The following SMARCC1 variants were observed in gnomAD, a reference collection of about 807,000 sequenced individuals.
The protein encoded by SMARCC1 is SWI/SNF related BAF chromatin remodeling complex subunit C1.
A neutral mutation model predicts 147.4 loss-of-function variants in SMARCC1; 43 were observed. The observed-to-expected ratio is 0.29, with a 90% CI of 0.23 to 0.38. The LOEUF (loss-of-function observed/expected upper bound fraction) is 0.38, where lower values mean the gene tolerates loss of function less well. Ranked by LOEUF, SMARCC1 falls within the 10% of genes least tolerant of loss-of-function variation. SMARCC1 has a pLI of 1.00. For synonymous variants in SMARCC1, 495 were observed against 484.4 expected (o/e 1.02, Z -0.29); for missense variants, 1,119 against 1,381.1 (o/e 0.81, Z 3.01).
At chr3:47,600,292 G>C (rs1022455580) in intron 26 of SMARCC1, among the ~76,000 whole-genome samples, 1 of 152,208 alleles carries the variant, frequency 6.6e-6, no homozygotes, top group African/African-American at 2.4e-5. Flanking sequence ...AGGTACCTAA[G>C]AGTGAATGAT....
intron 2 of SMARCC1, among the ~76,000 whole-genome samples, chr3:47,758,953 G>C (rs1484613847): frequency 6.6e-6 from 1 of 151,570 alleles, no homozygotes; most frequent in Non-Finnish European, 1.5e-5. Context: ...GGAGGCGGTG[G>C]TGGCGGTGAG....
rs908291951 is a variant in SMARCC1 at position 47,772,624 on chromosome 3, A to C, written c.315+193T>G. ...AATGACTGCTGCAATATTTAATGCAAATGTTAAATGCCTCTTCAAAAAGCA... is the reference window on the plus strand; with the variant it reads ...AATGACTGCTGCAATATTTAATGCACATGTTAAATGCCTCTTCAAAAAGCA... On this transcript the variant is annotated intron_variant, in intron 2 of 27. Transcript: ENST00000254480. Among the ~76,000 whole-genome samples the C allele has an allele frequency of 2.7e-4, 41 of 152,188 alleles. 1 individual carries two copies. The highest frequency in any genetic ancestry group is 3.2e-3 in the Middle Eastern group (1 of 316).
At position 47,738,091 on chromosome 3, in the gene SMARCC1, T is replaced by C; in HGVS notation, c.421A>G (p.Asn141Asp). 1 of 1,584,452 alleles carries C rather than the reference T, an allele frequency of 6.3e-7. No individual in the cohort carries two copies. The highest frequency in any genetic ancestry group is 8.6e-7 in the Non-Finnish European group (1 of 1,165,874). ...ACATTACGATCCATTCGAGATGGGT[T>C]CTGTAGGTCAAACCTCCGCCTAAAA... is the stretch of plus-strand genomic sequence containing the variant. Reference protein sequence around the residue: ...EQGWRRFDLQNPSRMDRNVEM... With the variant: ...EQGWRRFDLQDPSRMDRNVEM... Residue 141 changes from asparagine (N) to aspartate (D), a missense_variant, in exon 4 of 28, where the codon AAC becomes GAC. Transcript: ENST00000254480.
intron 8 of SMARCC1, among the ~76,000 whole-genome samples, chr3:47,711,685 CCT>C (rs1423497571): frequency 1.3e-5 from 2 of 152,180 alleles, no homozygotes; most frequent in African/African-American, 4.8e-5. Flanking sequence ...ATCTAAACTC[CCT>C]GTTTTCAAAG....
At chr3:47,724,830 C>A (rs931543250) in intron 6 of SMARCC1, among the ~76,000 whole-genome samples, 1 of 151,984 alleles carries the variant, frequency 6.6e-6, no homozygotes, top group Non-Finnish European at 1.5e-5. Context: ...CTAAGTGAGG[C>A]AGGAGGATCA....
intron 17 of SMARCC1, 87 bp downstream of exon 17, chr3:47,676,542 G>A: frequency 1.1e-6 from 1 of 935,344 alleles, no homozygotes; most frequent in African/African-American, 1.7e-5. Context: ...TAGCATTATA[G>A]TATAATAATA....
chr3:47,617,009 C>T (rs935167915), intron 25 of SMARCC1, among the ~76,000 whole-genome samples: 6 of 152,220 alleles, frequency 3.9e-5, no homozygotes, highest in Admixed American at 3.3e-4. Flanking sequence ...GGTGCCTCTA[C>T]TCCTAGCTGA....
Position 47,701,360 on chromosome 3 carries a change from T to C in SMARCC1, c.1083A>G (p.Glu361=). Residue 361 remains glutamate, a synonymous_variant, in exon 11 of 28, where the codon GAA becomes GAG. Coordinates refer to ENST00000254480, the MANE Select transcript of SMARCC1 (RefSeq NM_003074.4). ...CCTTGGTTAGATCTTCTTGCTCATCTTCCTCTTTCTGACTTCTGCGCTTCC... is the reference window on the plus strand; with the variant it reads ...CCTTGGTTAGATCTTCTTGCTCATCCTCCTCTTTCTGACTTCTGCGCTTCC... ...LYGKRRSQKE[E]DEQEDLTKDM... 6.2e-7 allele frequency: 1 copy of C among 1,613,616 alleles called. No homozygotes were observed. Among genetic ancestry groups the C allele is most frequent in the Non-Finnish European group, 8.5e-7 (1 of 1,179,496 alleles).
At chr3:47,634,882 G>A (rs2032947973) in intron 24 of SMARCC1, among the ~76,000 whole-genome samples, 1 of 152,184 alleles carries the variant, frequency 6.6e-6, no homozygotes, top group African/African-American at 2.4e-5. Context: ...GATAAGTTCT[G>A]CAGGCAAATT....
chr3:47,621,027 C>A (rs2106683548), intron 25 of SMARCC1, among the ~76,000 whole-genome samples: 1 of 152,202 alleles, frequency 6.6e-6, no homozygotes, highest in Middle Eastern at 3.4e-3. Flanking sequence ...TTCGGCCGGG[C>A]ATGGTGGCTC....
chr3:47,737,406 A>G (rs2034456261), intron 4 of SMARCC1, among the ~76,000 whole-genome samples: 1 of 152,182 alleles, frequency 6.6e-6, no homozygotes, highest in Non-Finnish European at 1.5e-5. Flanking sequence ...CTCAAAGAAA[A>G]TAAAAATAAA....
At chr3:47,728,664 T>C (rs2034330419) in intron 6 of SMARCC1, among the ~76,000 whole-genome samples, 1 of 152,174 alleles carries the variant, frequency 6.6e-6, no homozygotes, top group Non-Finnish European at 1.5e-5. Context: ...CCCAGCACTT[T>C]GGGAGGCCAA....
At chr3:47,697,640 C>T (rs2033869415) in intron 11 of SMARCC1, among the ~76,000 whole-genome samples, 1 of 150,778 alleles carries the variant, frequency 6.6e-6, no homozygotes. Flanking sequence ...AAAAAAATTC[C>T]AAACTCATTT....
chr3:47,622,231 A>C lies in SMARCC1; in HGVS notation c.2757T>G (p.Thr919=). The change falls in exon 25 of 28, where the codon ACT becomes ACG. Residue 919 remains threonine (T), a synonymous_variant. Transcript: ENST00000254480. ...CAGCTTCTTTCTCTCTGTCCATGAT[A>C]GTTTCCAGCTCTTCAAAATGTCGAA... is the stretch of plus-strand genomic sequence containing the variant. ...IKLRHFEELE[T]IMDREKEALE... is the part of the protein sequence containing the mutation. 6.2e-7 allele frequency: 1 copy of C among 1,603,816 alleles called. No homozygotes were observed. Among genetic ancestry groups the C allele is most frequent in the Non-Finnish European group, 8.5e-7 (1 of 1,177,750 alleles).
intron 14 of SMARCC1, among the ~76,000 whole-genome samples, 180 bp from the exon 15 acceptor site, chr3:47,680,688 C>T (rs2033633742): frequency 6.7e-6 from 1 of 149,696 alleles, no homozygotes; most frequent in Admixed American, 6.7e-5. Context: ...GCTGGGACTA[C>T]AGGCGCCCGC....
At chr3:47,756,263 G>C (rs1485243418) in intron 2 of SMARCC1, among the ~76,000 whole-genome samples, 2 of 151,828 alleles carry the variant, frequency 1.3e-5, no homozygotes, top group Non-Finnish European at 2.9e-5. Flanking sequence ...GCCAGGCGTG[G>C]TGGCTCATGC....
intron 8 of SMARCC1, 39 bp downstream of exon 8, chr3:47,714,376 A>G: frequency 7.7e-7 from 1 of 1,300,584 alleles, no homozygotes; most frequent in Non-Finnish European, 1.1e-6. Context: ...AAAAATTTTA[A>G]AAAGATTATT....
Position 47,602,768 on chromosome 3 carries a change from T to C in SMARCC1, c.3043+7298A>G, listed in dbSNP as rs182613798. Among the ~76,000 whole-genome samples, 658 of 151,942 alleles carry C rather than the reference T, an allele frequency of 4.3e-3. 8 individuals carry two copies. The highest frequency in any genetic ancestry group is 3.5e-3 in the Non-Finnish European group (237 of 68,018). On this transcript the variant is annotated intron_variant, in intron 26 of 27. Transcript: ENST00000254480. Reference sequence around the variant, plus strand: ...TGTTCTTTCCTTCTGCTTTCACACATAGAGTACACACGAAGGCTTCCCCAG... The same window carrying C: ...TGTTCTTTCCTTCTGCTTTCACACACAGAGTACACACGAAGGCTTCCCCAG...
chr3:47,588,455 A>AT, intron 27 of SMARCC1, 149 bp from the exon 28 acceptor site: 1 of 693,190 alleles, frequency 1.4e-6, no homozygotes, highest in South Asian at 1.8e-5. Flanking sequence ...ACTGTGGTCT[A>AT]TGCAAGTCAA....
Sources: gnomAD v4.1 joint callset for allele counts (sites outside exome capture counted in the v4.1 genomes callset) on GRCh38, gnomAD v4.1.1 for gene constraint, MANE v1.5 for transcripts, NCBI Gene and HGNC (gene_info 2026-07-23, HGNC 2026-07-21) for gene names.